The following AKAP9 variants were observed in gnomAD, a reference collection of about 807,000 sequenced individuals.
AKAP9 encodes the protein A-kinase anchoring protein 9.
Under a neutral mutation model 488.5 loss-of-function variants are expected in AKAP9, and 311 were observed. That is an observed-to-expected ratio of 0.64 (90% CI 0.58 to 0.70). The LOEUF (loss-of-function observed/expected upper bound fraction) is 0.70. Among genes scored for constraint, AKAP9 ranks in the 30% least tolerant of loss-of-function variants. AKAP9 has a pLI of 0.00. For missense variants in AKAP9, 4,215 were observed against 4,374.5 expected (o/e 0.96, Z 1.03); for synonymous variants, 1,462 against 1,483.5 (o/e 0.99, Z 0.33).
intron 7 of AKAP9, among the ~76,000 whole-genome samples, chr7:91,999,854 GTTCATTCATTCA>G (rs34314890): frequency 6.6e-6 from 1 of 151,284 alleles, no homozygotes; most frequent in Admixed American, 6.6e-5. Flanking sequence ...CTTTAGTTAT[GTTCATTCATTCA>G]TTCATTCATT....
intron 7 of AKAP9, among the ~76,000 whole-genome samples, chr7:91,997,048 TTG>T: frequency 6.6e-6 from 1 of 152,334 alleles, no homozygotes; most frequent in Non-Finnish European, 1.5e-5. Context: ...CAAATCTAAG[TTG>T]TCTGACTCCA....
intron 14 of AKAP9, among the ~76,000 whole-genome samples, chr7:92,029,273 A>G (rs767290464): frequency 3.9e-5 from 6 of 152,186 alleles, no homozygotes; most frequent in Non-Finnish European, 8.8e-5. Flanking sequence ...CCGAAAGTGA[A>G]TATTTGTAAA....
At chr7:91,965,661 G>T (rs1324152349) in intron 1 of AKAP9, among the ~76,000 whole-genome samples, 3 of 152,080 alleles carry the variant, frequency 2.0e-5, no homozygotes, top group Non-Finnish European at 4.4e-5. Context: ...GTATACAAGG[G>T]CTCTTCTCTC....
Position 92,097,545 on chromosome 7 carries a change from A to T in AKAP9, c.10399-41A>T, listed in dbSNP as rs372534772. ...TAAGATAGACTGTGATATGCTGTTC[A>T]CTTATAATTATTGTTTTCTTATTCT... On this transcript the variant is annotated intron_variant, in intron 41 of 49. Coordinates refer to ENST00000356239, the MANE Select transcript of AKAP9 (RefSeq NM_005751.5). 1.6e-5 allele frequency: 25 copies of T among 1,587,434 alleles called. No individual in the cohort carries two copies. In the African/African-American group the frequency reaches 3.4e-4, roughly 21 times the overall value.
chr7:92,084,786 T>C, intron 34 of AKAP9, 33 bp from the exon 35 acceptor site: 1 of 1,610,078 alleles, frequency 6.2e-7, no homozygotes, highest in African/African-American at 1.3e-5. Context: ...TGATTTTTTT[T>C]TTTTTAACAG....
rs71528033 is a variant in AKAP9, at chr7:92,061,584, CTATATATATATATA to C, written c.5764+185_5764+198del. Reference sequence around the variant, plus strand: ...GAGTTCCTCCAAGCAATTTTTAAAACTATATATATATATATATATATATATATATATATATAAAA... The same window carrying C: ...GAGTTCCTCCAAGCAATTTTTAAAACTATATATATATATATATATATAAAA... On this transcript the variant is annotated intron_variant, in intron 23 of 49. Transcript: ENST00000356239. Among the ~76,000 whole-genome samples, 258 of 102,466 alleles carry C rather than the reference CTATATATATATATA, an allele frequency of 2.5e-3. 7 individuals are homozygous for C. Among genetic ancestry groups the C allele is most frequent in the African/African-American group, 9.0e-3 (229 of 25,440 alleles). The allele number at this position is 102,466 out of a possible 152,430, so 67.2% of individuals were successfully genotyped here.
At chr7:91,979,681 T>C (rs1286632532) in intron 2 of AKAP9, among the ~76,000 whole-genome samples, 1 of 152,210 alleles carries the variant, frequency 6.6e-6, no homozygotes, top group South Asian at 2.1e-4. Flanking sequence ...ACACAAGCAC[T>C]GCAATACTGC....
At chr7:92,072,401 A>G (rs1811861014) in intron 28 of AKAP9, among the ~76,000 whole-genome samples, 2 of 152,150 alleles carry the variant, frequency 1.3e-5, no homozygotes, top group Admixed American at 1.3e-4. Context: ...CCATTCACCT[A>G]CCATAACTGG....
At chr7:91,944,273 G>A (rs1288612436) in intron 1 of AKAP9, among the ~76,000 whole-genome samples, 6 of 152,040 alleles carry the variant, frequency 3.9e-5, no homozygotes, top group African/African-American at 1.4e-4. Context: ...GCACCAAGAT[G>A]TAAATCGTGG....
At chr7:92,016,968 G>T (rs1427721989) in intron 11 of AKAP9, 49 bp from the exon 12 acceptor site, 1 of 1,338,848 alleles carries the variant, frequency 7.5e-7, no homozygotes, top group Non-Finnish European at 1.1e-6. Context: ...GAAAGATGCA[G>T]ACTTTTACTG....
intron 24 of AKAP9, among the ~76,000 whole-genome samples, chr7:92,064,385 C>T (rs1200627489): frequency 1.3e-5 from 2 of 151,954 alleles, no homozygotes; most frequent in Non-Finnish European, 2.9e-5. Context: ...TTACTATATA[C>T]ACTTTGTTAT....
chr7:92,008,662 T>G (rs1800269299), intron 8 of AKAP9, among the ~76,000 whole-genome samples: 1 of 151,020 alleles, frequency 6.6e-6, no homozygotes, highest in African/African-American at 2.4e-5. Context: ...CACTCCAGCC[T>G]GGGTGACAAA....
chr7:91,962,545 T>A (rs892272026), intron 1 of AKAP9, among the ~76,000 whole-genome samples: 1 of 152,160 alleles, frequency 6.6e-6, no homozygotes, highest in African/African-American at 2.4e-5. Context: ...AAAGATAAAT[T>A]ATCTTTTTTT....
At chr7:91,952,437 T>C (rs1351041629) in intron 1 of AKAP9, among the ~76,000 whole-genome samples, 1 of 152,054 alleles carries the variant, frequency 6.6e-6, no homozygotes, top group East Asian at 1.9e-4. Flanking sequence ...TAATTCTGGG[T>C]CCATGAAAAA....
At chr7:92,041,032 A>G in intron 18 of AKAP9, 134 bp downstream of exon 18, 1 of 688,678 alleles carries the variant, frequency 1.5e-6, no homozygotes, top group Non-Finnish European at 2.5e-6. Flanking sequence ...CGAAATCTGA[A>G]TAAACTACAT....
At chr7:92,017,501 A>C (rs1801685735) in intron 12 of AKAP9, among the ~76,000 whole-genome samples, 1 of 152,166 alleles carries the variant, frequency 6.6e-6, no homozygotes, top group Non-Finnish European at 1.5e-5. Flanking sequence ...TTTATTTTCA[A>C]GCAATTTTTT....
chr7:92,104,577 A>G (rs189155983), intron 46 of AKAP9, among the ~76,000 whole-genome samples: 171 of 152,302 alleles, frequency 1.1e-3, no homozygotes, highest in Non-Finnish European at 1.9e-3. Flanking sequence ...ACTTGAGGAA[A>G]CTGAGGCAGG....
Position 92,086,240 on chromosome 7 carries a change from T to A in AKAP9, c.9037T>A (p.Ser3013Thr). The change falls in exon 37 of 50, where the codon TCT becomes ACT. Residue 3013 changes from serine (S) to threonine (T), a missense_variant. Around this residue, in one of 5 missense-constraint regions of AKAP9, gnomAD observed 1,476 missense variants for 1,477.4 expected, o/e 1.00. Coordinates refer to ENST00000356239, the MANE Select transcript of AKAP9 (RefSeq NM_005751.5). ...LQREAEVYDSSQSHESFSDWR... is the reference protein window; with the variant it reads ...LQREAEVYDSTQSHESFSDWR... ...TGTACTTTGCTAGGTTTATGATAGTTCTCAATCTCATGAGAGCTTCTCAGA... is the reference window on the plus strand; with the variant it reads ...TGTACTTTGCTAGGTTTATGATAGTACTCAATCTCATGAGAGCTTCTCAGA... 1 of 1,614,064 alleles carries A rather than the reference T, an allele frequency of 6.2e-7. No homozygotes were observed. Among genetic ancestry groups the A allele is most frequent in the Non-Finnish European group, 8.5e-7 (1 of 1,179,924 alleles).
chr7:92,058,073 C>T, intron 22 of AKAP9: 2 of 449,502 alleles, frequency 4.4e-6, no homozygotes, highest in East Asian at 4.1e-5. Context: ...ACTTTTTATA[C>T]TGCTATGGTA....
Sources: gnomAD v4.1 joint callset for allele counts (sites outside exome capture counted in the v4.1 genomes callset) on GRCh38, gnomAD v4.1.1 for gene constraint, gnomAD v4.1.1 regional missense constraint, MANE v1.5 for transcripts, NCBI Gene and HGNC (gene_info 2026-07-23, HGNC 2026-07-21) for gene names.